C1orf167: variants seen among roughly 807,000 people sequenced by gnomAD.
The protein encoded by C1orf167 is uncharacterized protein C1orf167.
Under a neutral mutation model 176.5 loss-of-function variants are expected in C1orf167, and 153 were observed. The ratio of observed to expected loss-of-function variants is 0.87; its 90% CI spans 0.76 to 0.99. The LOEUF (loss-of-function observed/expected upper bound fraction) is 0.99, where lower values mean the gene tolerates loss of function less well. C1orf167 is among the 50% of genes least tolerant of loss of function. The pLI, the probability that C1orf167 is intolerant of heterozygous loss-of-function variation, is 0.00. For synonymous variants in C1orf167, 594 were observed against 752.7 expected, an observed-to-expected ratio of 0.79 and a Z score of 3.45; for missense variants, 1,490 against 1,817.7, an observed-to-expected ratio of 0.82 and a Z score of 3.28.
Position 11,787,547 on chromosome 1 carries a change from C to T in C1orf167, c.3673+54C>T, listed in dbSNP as rs1246865834. 1.9e-5 allele frequency: 22 copies of T among 1,187,978 alleles called. No homozygotes were observed. In the East Asian group the frequency reaches 1.0e-3, roughly 57 times the overall value. 73.6% of individuals were successfully genotyped at this position (1,187,978 alleles called of 1,614,324 possible). A position where few individuals can be genotyped will look rare whatever the true frequency, so the allele number is the denominator to read the frequency against. On this transcript the variant is annotated intron_variant, in intron 17 of 20. Coordinates refer to ENST00000688073, the MANE Select transcript of C1orf167 (RefSeq NM_001010881.2). Reference sequence around the variant, plus strand: ...CGGTGTCTGAAGTGCAGGGGTGAAGCGGTCTCCAGTCCTCAGGGGCCTGGA... The same window carrying T: ...CGGTGTCTGAAGTGCAGGGGTGAAGTGGTCTCCAGTCCTCAGGGGCCTGGA...
chr1:11,771,317 TAA>T (rs1465046691), intron 6 of C1orf167, among the ~76,000 whole-genome samples: 1 of 151,804 alleles, frequency 6.6e-6, no homozygotes, highest in Non-Finnish European at 1.5e-5. Context: ...CAAATAGTAT[TAA>T]AGAGAATAAA....
intron 17 of C1orf167, 174 bp from the exon 18 acceptor site, chr1:11,787,699 G>A (rs1361124377): frequency 9.7e-7 from 1 of 1,027,730 alleles, no homozygotes; most frequent in Non-Finnish European, 1.3e-6. Flanking sequence ...ATTTCTCTTT[G>A]GGCGGCAGGC....
chr1:11,763,549 A>G (rs749002592), intron 1 of C1orf167, among the ~76,000 whole-genome samples: 15 of 152,134 alleles, frequency 9.9e-5, no homozygotes, highest in Non-Finnish European at 1.9e-4. Context: ...GCTTTGTTTC[A>G]ATATAACTTT....
Position 11,775,747 on chromosome 1 carries a change from G to A in C1orf167, c.2164+137G>A, listed in dbSNP as rs541963153. On this transcript the variant is annotated intron_variant, in intron 9 of 20. Transcript: ENST00000688073. ...CTAGGAGGGCAGCCTGTAGGCCTGG[G>A]AGGGTGCAGGAGGGGTCCCAGAGTG... 2.7e-5 allele frequency: 28 copies of A among 1,047,870 alleles called. No individual in the cohort carries two copies. The Admixed American group carries it at 9.6e-4, about 36-fold the overall frequency. The allele number at this position is 1,047,870 out of a possible 1,614,324, so 64.9% of individuals were successfully genotyped here.
In C1orf167 at chr1:11,782,294, G is replaced by C. The variant is rs780579372; in HGVS notation, c.2966G>C (p.Arg989Thr). 7.7e-7 allele frequency: 1 copy of C among 1,294,840 alleles called. No homozygotes were observed. The highest frequency in any genetic ancestry group is 1.3e-5 in the South Asian group (1 of 79,660). 80.2% of individuals were successfully genotyped at this position (1,294,840 alleles called of 1,614,324 possible). A position where few individuals can be genotyped will look rare whatever the true frequency, so the allele number is the denominator to read the frequency against. Residue 989 changes from arginine to threonine, a missense_variant, in exon 14 of 21, where the codon AGA becomes ACA. Coordinates refer to ENST00000688073, the MANE Select transcript of C1orf167 (RefSeq NM_001010881.2). ...TGGCAGCAGGCAGCAGCTCATCAGA[G>C]ATGCACAGTGACCCGGCCAGAGCAG... ...RSWQQAAAHQRCTVTRPEQLL... is the reference protein window; with the variant it reads ...RSWQQAAAHQTCTVTRPEQLL...
At chr1:11,775,751 G>A (rs1304625729) in intron 9 of C1orf167, 141 bp downstream of exon 9, 1 of 1,052,284 alleles carries the variant, frequency 9.5e-7, no homozygotes, top group Non-Finnish European at 1.2e-6. Flanking sequence ...GCCTGGGAGG[G>A]TGCAGGAGGG....
In C1orf167 at chr1:11,785,131, T is replaced by A; in HGVS notation, c.3426-17T>A. On this transcript the variant is annotated splice_polypyrimidine_tract_variant and intron_variant, in intron 15 of 20. Coordinates refer to ENST00000688073, the MANE Select transcript of C1orf167 (RefSeq NM_001010881.2). ...GGCCTTTATGGCCCTGGCTGCAGACTCCTTCCTCTCCCGCAGGGTCCTAGA... is the reference window on the plus strand; with the variant it reads ...GGCCTTTATGGCCCTGGCTGCAGACACCTTCCTCTCCCGCAGGGTCCTAGA... 7.8e-7 allele frequency: 1 copy of A among 1,279,816 alleles called. No homozygotes were observed. The highest frequency in any genetic ancestry group is 1.2e-5 in the South Asian group (1 of 80,616). 79.3% of individuals were successfully genotyped at this position (1,279,816 alleles called of 1,614,324 possible). A position where few individuals can be genotyped will look rare whatever the true frequency, so the allele number is the denominator to read the frequency against.
intron 6 of C1orf167, 44 bp downstream of exon 6, chr1:11,769,171 A>G (rs1212882900): frequency 2.0e-6 from 2 of 984,174 alleles, no homozygotes; most frequent in Non-Finnish European, 2.4e-6. Flanking sequence ...TTCTTCCCCA[A>G]CTTCCTGCCT....
chr1:11,771,597 CA>C lies in C1orf167; in HGVS notation c.1772del (p.His591ProfsTer56), dbSNP rs1284009203. On this transcript the variant is annotated frameshift_variant, in exon 7 of 21. Coordinates refer to ENST00000688073, the MANE Select transcript of C1orf167 (RefSeq NM_001010881.2). LOFTEE classifies it high-confidence loss of function. ...SHPRQRTDSR[H>X]ERVQILQALQ... ...TCCTAGGCAGAGAACAGACAGCAGA[CA>C]CGAGAGAGTCCAGATCCTGCAGGCC... 58 of 1,289,708 alleles carry C rather than the reference CA, an allele frequency of 4.5e-5. No individual in the cohort carries two copies. The highest frequency in any genetic ancestry group is 5.7e-5 in the Non-Finnish European group (56 of 988,882). 79.9% of individuals were successfully genotyped at this position (1,289,708 alleles called of 1,614,324 possible). A position where few individuals can be genotyped will look rare whatever the true frequency, so the allele number is the denominator to read the frequency against.
Position 11,784,173 on chromosome 1 carries a change from G to A in C1orf167, c.3006-1G>A, listed in dbSNP as rs1017627821. The stretch of plus-strand genomic sequence containing the variant: ...CCTGGCCCAATGTGTCTGTTTTGCA[G>A]CTACTTCCAGGCCTGGTGTGAGGTT... On this transcript the variant is annotated splice_acceptor_variant, in intron 14 of 20. Coordinates refer to ENST00000688073, the MANE Select transcript of C1orf167 (RefSeq NM_001010881.2). LOFTEE classifies it high-confidence loss of function. 1.6e-6 allele frequency: 2 copies of A among 1,221,796 alleles called. No individual in the cohort carries two copies. Among genetic ancestry groups the A allele is most frequent in the African/African-American group, 3.2e-5 (2 of 63,350 alleles). The allele number at this position is 1,221,796 out of a possible 1,614,324, so 75.7% of individuals were successfully genotyped here.
intron 7 of C1orf167, 112 bp downstream of exon 7, chr1:11,771,748 T>C: frequency 1.1e-5 from 7 of 662,498 alleles, no homozygotes; most frequent in Non-Finnish European, 1.6e-5. Flanking sequence ...TTATTTTGCA[T>C]CTGCTTTGGC....
intron 16 of C1orf167, chr1:11,785,795 T>C (rs926201735): frequency 2.0e-5 from 3 of 152,500 alleles, no homozygotes; most frequent in South Asian, 2.1e-4. Context: ...AGCAGAGGAG[T>C]GATCTCAGCT....
intron 9 of C1orf167, 128 bp downstream of exon 9, chr1:11,775,738 T>G (rs959778993): frequency 1.7e-6 from 2 of 1,152,806 alleles, no homozygotes; most frequent in African/African-American, 3.2e-5. Context: ...GGGCAGCCTG[T>G]AGGCCTGGGA....
rs1401814048 is a variant in C1orf167, at chr1:11,779,468, G to A, written c.2652-334G>A. ...GGGTTAATAGTACTGGCTCCAGTGGGGCAATGGCGAGGCACGGCACATACA... is the reference window on the plus strand; with the variant it reads ...GGGTTAATAGTACTGGCTCCAGTGGAGCAATGGCGAGGCACGGCACATACA... On this transcript the variant is annotated intron_variant, in intron 12 of 20. Coordinates refer to ENST00000688073, the MANE Select transcript of C1orf167 (RefSeq NM_001010881.2). 3 of 229,530 alleles carry A rather than the reference G, an allele frequency of 1.3e-5. No homozygotes were observed. The Admixed American group carries it at 1.5e-4, about 12-fold the overall frequency. 14.2% of individuals were successfully genotyped at this position (229,530 alleles called of 1,614,324 possible). A position where few individuals can be genotyped will look rare whatever the true frequency, so the allele number is the denominator to read the frequency against.
At position 11,788,236 on chromosome 1, in the gene C1orf167, C is replaced by G. The variant is rs555188130; in HGVS notation, c.3936C>G (p.Gly1312=). 5 of 1,303,796 alleles carry G rather than the reference C, an allele frequency of 3.8e-6. No individual in the cohort carries two copies. In the East Asian group the frequency reaches 2.8e-4, roughly 72 times the overall value. 80.8% of individuals were successfully genotyped at this position (1,303,796 alleles called of 1,614,324 possible). The change falls in exon 19 of 21, where the codon GGC becomes GGG. Residue 1312 remains glycine, a synonymous_variant. Transcript: ENST00000688073. The part of the protein sequence containing the change: ...LLALKGHDAL[G]HQEEVPAAPV... ...CCCTGAAGGGTCACGATGCTCTTGG[C>G]CATCAGGAGGAAGTACCTGCAGCGC... is the stretch of plus-strand genomic sequence containing the variant.
chr1:11,784,258 A>G lies in C1orf167; in HGVS notation c.3090A>G (p.Arg1030=). The change falls in exon 15 of 21, where the codon AGA becomes AGG. Residue 1030 remains arginine, a synonymous_variant. Transcript: ENST00000688073. ...AAGCCTTTCAGGATGGCCTGAGGAGAAGAGCACTGGGGGCCGTGTTTGCCA... is the reference window on the plus strand; with the variant it reads ...AAGCCTTTCAGGATGGCCTGAGGAGGAGAGCACTGGGGGCCGTGTTTGCCA... ...QHQAFQDGLR[R]RALGAVFATW... is the part of the protein sequence containing the mutation. The G allele has an allele frequency of 7.7e-7, 1 of 1,301,664 alleles. No homozygotes were observed. The highest frequency in any genetic ancestry group is 1.5e-5 in the African/African-American group (1 of 65,978). 80.6% of individuals were successfully genotyped at this position (1,301,664 alleles called of 1,614,324 possible).
In C1orf167 at chr1:11,766,536, G is replaced by A. The variant is rs1642804840; in HGVS notation, c.750G>A (p.Glu250=). The A allele has an allele frequency of 3.2e-6, 4 of 1,251,142 alleles. No homozygotes were observed. The highest frequency in any genetic ancestry group is 4.1e-6 in the Non-Finnish European group (4 of 968,446). 77.5% of individuals were successfully genotyped at this position (1,251,142 alleles called of 1,614,324 possible). ...CTTCTGTACATTGCCTGGCGCAGGA[G>A]GCAGCCCGACTCAGGTGCCAGGCTC... is the stretch of plus-strand genomic sequence containing the variant. ...LLASVHCLAQ[E]AARLRCQAPQ... is the part of the protein sequence containing the mutation. The change falls in exon 3 of 21, where the codon GAG becomes GAA. Residue 250 remains glutamate (E), a synonymous_variant. Transcript: ENST00000688073. This position sits in a 1 kb window ranked among gnomAD's most constrained non-coding sequence, Gnocchi z 4.5.
chr1:11,787,200 C>A, intron 16 of C1orf167, 188 bp from the exon 17 acceptor site: 1 of 251,064 alleles, frequency 4.0e-6, no homozygotes, highest in Non-Finnish European at 8.2e-6. Flanking sequence ...GGGCTGTGCT[C>A]CGGGAACTGA....
In C1orf167 at chr1:11,766,636, C is replaced by T; in HGVS notation, c.850C>T (p.Pro284Ser). 1.6e-6 allele frequency: 2 copies of T among 1,287,744 alleles called. No homozygotes were observed. The highest frequency in any genetic ancestry group is 1.2e-5 in the South Asian group (1 of 80,714). The allele number at this position is 1,287,744 out of a possible 1,614,324, so 79.8% of individuals were successfully genotyped here. Reference sequence around the variant, plus strand: ...CCAGCCATTCTCCGCCCACCCCCAGCCCAGCCAGCCTGTCCTTGCTTCCTC... The same window carrying T: ...CCAGCCATTCTCCGCCCACCCCCAGTCCAGCCAGCCTGTCCTTGCTTCCTC... ...GGQPFSAHPQ[P>S]SQPVLASSDG... Residue 284 changes from proline (P) to serine (S), a missense_variant, in exon 3 of 21, where the codon CCC becomes TCC. Coordinates refer to ENST00000688073, the MANE Select transcript of C1orf167 (RefSeq NM_001010881.2). This position sits in a 1 kb window ranked among gnomAD's most constrained non-coding sequence, Gnocchi z 4.5.
Sources: allele counts gnomAD v4.1 joint callset (sites outside exome capture counted in the v4.1 genomes callset), GRCh38; gene constraint gnomAD v4.1.1; non-coding constraint Gnocchi (gnomAD v3.1); transcripts MANE v1.5; gene names NCBI Gene and HGNC (gene_info 2026-07-23, HGNC 2026-07-21).